The following SPAST variants were observed in gnomAD, a reference collection of about 807,000 sequenced individuals.
SPAST encodes the protein spastic paraplegia 4 (autosomal dominant; spastin).
SPAST carries 30 observed loss-of-function variants against 76.6 expected under a neutral mutation model. The observed-to-expected ratio is 0.39, with a 90% CI of 0.29 to 0.53. SPAST has a LOEUF of 0.53. Among genes scored for constraint, SPAST ranks in the 20% least tolerant of loss-of-function variants. SPAST has a pLI of 0.68. For synonymous variants in SPAST, 305 were observed against 281.0 expected, an observed-to-expected ratio of 1.09 and a Z score of -0.86; for missense variants, 717 against 770.5, an observed-to-expected ratio of 0.93 and a Z score of 0.82.
intron 3 of SPAST, among the ~76,000 whole-genome samples, chr2:32,094,644 C>T (rs545183877): frequency 6.6e-6 from 1 of 152,190 alleles, no homozygotes; most frequent in Non-Finnish European, 1.5e-5. Flanking sequence ...TGAGCTTTTA[C>T]CGCCTGTGAA....
chr2:32,078,104 C>T (rs1677039126), intron 1 of SPAST, among the ~76,000 whole-genome samples: 1 of 151,744 alleles, frequency 6.6e-6, no homozygotes, highest in South Asian at 2.1e-4. Context: ...CATTCTCCTG[C>T]CTCAGCCTCC....
chr2:32,147,122 T>A, intron 15 of SPAST, 96 bp from the exon 16 acceptor site: 1 of 800,766 alleles, frequency 1.2e-6, no homozygotes, highest in Non-Finnish European at 2.3e-6. Flanking sequence ...TTGTACTGAA[T>A]AGATACATGT....
intron 12 of SPAST, among the ~76,000 whole-genome samples, chr2:32,138,318 T>A (rs547326808): frequency 6.6e-6 from 1 of 152,300 alleles, no homozygotes; most frequent in East Asian, 1.9e-4. Context: ...GTTATTTTTT[T>A]ACTTTTTCCC....
chr2:32,073,433 G>A (rs1676829494), intron 1 of SPAST, among the ~76,000 whole-genome samples: 1 of 152,170 alleles, frequency 6.6e-6, no homozygotes, highest in Non-Finnish European at 1.5e-5. Context: ...GGTTTTTGAT[G>A]TCTGGCAAAG....
chr2:32,123,839 A>G (rs1370813757), intron 7 of SPAST, among the ~76,000 whole-genome samples: 2 of 152,204 alleles, frequency 1.3e-5, no homozygotes, highest in Non-Finnish European at 2.9e-5. Context: ...GTTAATCTAG[A>G]CACAGACCTG....
chr2:32,119,733 A>G (rs1490525721), intron 7 of SPAST, among the ~76,000 whole-genome samples: 1 of 152,164 alleles, frequency 6.6e-6, no homozygotes, highest in African/African-American at 2.4e-5. Flanking sequence ...AAAATAGAAC[A>G]TGCCCTCTCC....
At chr2:32,077,640 C>G (rs1227532608) in intron 1 of SPAST, among the ~76,000 whole-genome samples, 1 of 152,158 alleles carries the variant, frequency 6.6e-6, no homozygotes, top group Non-Finnish European at 1.5e-5. Flanking sequence ...CCTTCTAACT[C>G]ACATACTTGC....
chr2:32,091,778 G>T (rs1290058101), intron 3 of SPAST, among the ~76,000 whole-genome samples: 1 of 151,774 alleles, frequency 6.6e-6, no homozygotes, highest in Non-Finnish European at 1.5e-5. Flanking sequence ...AGCTTGCAGT[G>T]AGCCGAGATC....
chr2:32,087,615 G>T, intron 2 of SPAST, 37 bp downstream of exon 2: 4 of 978,456 alleles, frequency 4.1e-6, no homozygotes, highest in South Asian at 2.9e-5. Flanking sequence ...CCCAAATTAT[G>T]ATATATTCAC....
At chr2:32,116,498 T>C (rs1678840468) in intron 7 of SPAST, among the ~76,000 whole-genome samples, 1 of 152,152 alleles carries the variant, frequency 6.6e-6, no homozygotes, top group Non-Finnish European at 1.5e-5. Flanking sequence ...GTCTCACTCA[T>C]TGTGTCGCCC....
chr2:32,135,025 CCTTAAGAAAGTATAA>C (rs1237341444), intron 9 of SPAST, among the ~76,000 whole-genome samples: 4 of 151,470 alleles, frequency 2.6e-5, no homozygotes, highest in Non-Finnish European at 5.9e-5. Flanking sequence ...CCTGAACTGA[CCTTAAGAAAGTATAA>C]CTTTAGGCCT....
intron 4 of SPAST, among the ~76,000 whole-genome samples, chr2:32,102,762 T>C (rs1229413455): frequency 1.3e-5 from 2 of 152,384 alleles, no homozygotes; most frequent in South Asian, 2.1e-4. Context: ...GTTTATATGA[T>C]GGATTACGTT....
At chr2:32,129,210 G>T (rs1017903083) in intron 9 of SPAST, 1 of 151,426 alleles carries the variant, frequency 6.6e-6, no homozygotes, top group Admixed American at 6.6e-5. Context: ...CTGGCCTTCT[G>T]ATTCTGATCT....
chr2:32,082,005 C>CTTT (rs35493322), intron 1 of SPAST, among the ~76,000 whole-genome samples: 219 of 71,192 alleles, frequency 3.1e-3, no homozygotes, highest in Non-Finnish European at 4.3e-3. Context: ...AGTTCTCTCT[C>CTTT]TTTTTTTTTT....
intron 1 of SPAST, among the ~76,000 whole-genome samples, chr2:32,072,548 T>A (rs887193412): frequency 6.6e-6 from 1 of 152,112 alleles, no homozygotes; most frequent in Admixed American, 6.6e-5. Context: ...CTGAACTAGT[T>A]TTTTAGGTTA....
intron 12 of SPAST, among the ~76,000 whole-genome samples, chr2:32,138,556 T>C (rs1175358815): frequency 6.6e-6 from 1 of 152,224 alleles, no homozygotes; most frequent in Non-Finnish European, 1.5e-5. Flanking sequence ...TTCAATTGTT[T>C]GAATTCCTTA....
At chr2:32,122,779 A>T (rs1354004808) in intron 7 of SPAST, among the ~76,000 whole-genome samples, 24 of 79,344 alleles carry the variant, frequency 3.0e-4, no homozygotes, top group Non-Finnish European at 7.7e-4. Flanking sequence ...ATCTATATTT[A>T]AAAAAAAAAA....
At chr2:32,080,691 G>A (rs757029354) in intron 1 of SPAST, among the ~76,000 whole-genome samples, 1 of 148,916 alleles carries the variant, frequency 6.7e-6, no homozygotes, top group Admixed American at 6.7e-5. Flanking sequence ...GATAATCAGT[G>A]TAAGTTATGG....
rs1452483674 is a variant in SPAST at position 32,066,579 on chromosome 2, A to T, written c.415+2333A>T. Among the ~76,000 whole-genome samples, 7 of 150,388 alleles carry T rather than the reference A, an allele frequency of 4.7e-5. No individual in the cohort carries two copies. In the East Asian group the frequency reaches 9.9e-4, roughly 21 times the overall value. On this transcript the variant is annotated intron_variant, in intron 1 of 16. Coordinates refer to ENST00000315285, the MANE Select transcript of SPAST (RefSeq NM_014946.4). ...GCTACTCAGGAGGCTGAGGCAAGAG[A>T]AGTGCTTGAACCTGGAAGGTGGAGG... is the stretch of plus-strand genomic sequence containing the variant.
Sources: gnomAD v4.1 joint callset for allele counts (sites outside exome capture counted in the v4.1 genomes callset) on GRCh38, gnomAD v4.1.1 for gene constraint, MANE v1.5 for transcripts, NCBI Gene and HGNC (gene_info 2026-07-23, HGNC 2026-07-21) for gene names.